SOX5: variants seen among roughly 807,000 people sequenced by gnomAD.
The protein encoded by SOX5 is transcription factor SOX-5.
In SOX5, 9 loss-of-function variants were observed where a neutral mutation model predicts 92.0. The ratio of observed to expected loss-of-function variants is 0.10; its 90% CI spans 0.06 to 0.17. The LOEUF is 0.17. SOX5 is among the 10% of genes least tolerant of loss of function. The pLI is 1.00. For missense variants in SOX5, 642 were observed against 944.5 expected, an observed-to-expected ratio of 0.68 and a Z score of 4.20; for synonymous variants, 344 against 336.3, an observed-to-expected ratio of 1.02 and a Z score of -0.25.
intron 6 of SOX5, among the ~76,000 whole-genome samples, chr12:23,671,334 G>A (rs2084748454): frequency 6.6e-6 from 1 of 152,164 alleles, no homozygotes; most frequent in African/African-American, 2.4e-5. Context: ...GAGTGCTACA[G>A]TGTTCAAATA....
In SOX5 at chr12:24,252,901, T is replaced by A. The variant is rs1409879045; in HGVS notation, c.-77+24315A>T. On this transcript the variant is annotated intron_variant, in intron 3 of 4. Coordinates refer to the SOX5 transcript ENST00000446891. ...ATAAATGTCATTCTGACTGGCATCC[T>A]CTCTTCCAGCAAGTAATTTCCCTCT... 3.3e-5 allele frequency among the ~76,000 whole-genome samples: 5 copies of A among 152,132 alleles called. No individual in the cohort carries two copies. The East Asian group carries it at 9.6e-4, about 29-fold the overall frequency.
At chr12:23,673,473 A>G (rs1226788938) in intron 6 of SOX5, among the ~76,000 whole-genome samples, 1 of 152,176 alleles carries the variant, frequency 6.6e-6, no homozygotes, top group Non-Finnish European at 1.5e-5. Context: ...TATATCATGC[A>G]TTACTACATT....
intron 8 of SOX5, among the ~76,000 whole-genome samples, chr12:23,620,520 T>A (rs562410558): frequency 1.3e-5 from 2 of 152,254 alleles, no homozygotes; most frequent in South Asian, 4.1e-4. Context: ...CTTTCTTGTA[T>A]AATTTATATG....
upstream of SOX5, among the ~76,000 whole-genome samples, chr12:23,953,590 T>TTA (rs983064707): frequency 1.3e-5 from 2 of 152,016 alleles, no homozygotes; most frequent in African/African-American, 4.8e-5. Context: ...ACAATTCTAA[T>TTA]TATATATATG....
chr12:23,934,073 C>T (rs181101195), intron 1 of SOX5, among the ~76,000 whole-genome samples: 13 of 151,514 alleles, frequency 8.6e-5, no homozygotes, highest in Admixed American at 6.6e-4. Flanking sequence ...TTTTTCTTAT[C>T]TGGTCTCTAC....
chr12:23,935,293 TA>T (rs1405749450), intron 1 of SOX5, among the ~76,000 whole-genome samples: 2 of 151,396 alleles, frequency 1.3e-5, no homozygotes, highest in East Asian at 3.9e-4. Context: ...AAGAATATCC[TA>T]TTAATTATAC....
Position 23,949,036 on chromosome 12 carries a change from A to G in SOX5, c.38+528T>C, listed in dbSNP as rs74651942. Reference sequence around the variant, plus strand: ...TGATGTTAAATTTTCTTTGGGGGGAAAAAACGCTCTCTTATATCAACAAAA... The same window carrying G: ...TGATGTTAAATTTTCTTTGGGGGGAGAAAACGCTCTCTTATATCAACAAAA... On this transcript the variant is annotated intron_variant, in intron 1 of 14. Coordinates refer to ENST00000451604, the MANE Select transcript of SOX5 (RefSeq NM_006940.6). Among the ~76,000 whole-genome samples, 10 of 152,080 alleles carry G rather than the reference A, an allele frequency of 6.6e-5. No individual in the cohort carries two copies. In the East Asian group the frequency reaches 1.9e-3, roughly 29 times the overall value.
At chr12:23,797,217 G>T (rs1317501285) in intron 3 of SOX5, among the ~76,000 whole-genome samples, 1 of 151,802 alleles carries the variant, frequency 6.6e-6, no homozygotes, top group African/African-American at 2.4e-5. Context: ...TTCAGACTAG[G>T]TATTGGTACA....
intron 4 of SOX5, among the ~76,000 whole-genome samples, chr12:24,138,646 G>A (rs972635428): frequency 1.3e-4 from 20 of 152,144 alleles, no homozygotes; most frequent in Non-Finnish European, 2.9e-4. Context: ...GAAAATACAC[G>A]TTTTTCATTT....
chr12:23,549,843 C>T (rs138549694), intron 11 of SOX5, among the ~76,000 whole-genome samples: 3,653 of 152,006 alleles, frequency 0.024, 74 homozygotes, highest in Non-Finnish European at 0.041. Context: ...TGTTTAAAAA[C>T]AGACTTGAAA....
At chr12:24,383,692 T>C (rs1426671832) in intron 1 of SOX5, among the ~76,000 whole-genome samples, 1 of 152,158 alleles carries the variant, frequency 6.6e-6, no homozygotes, top group Non-Finnish European at 1.5e-5. Flanking sequence ...GAAACCCTTA[T>C]GGCAGCAGTC....
intron 4 of SOX5, among the ~76,000 whole-genome samples, chr12:24,081,348 T>C (rs1488523410): frequency 6.6e-6 from 1 of 152,068 alleles, no homozygotes; most frequent in Non-Finnish European, 1.5e-5. Flanking sequence ...GAATTAATTT[T>C]GGCAAACTAA....
rs530079525 is a variant in SOX5 at position 23,740,748 on chromosome 12, A to G, written c.741+119T>C. ...TTTTGCTTTTTTGGCCTTTGAATTT[A>G]TTTAACTGGGGAGGTGGAAGGGACT... On this transcript the variant is annotated intron_variant, in intron 5 of 14. Coordinates refer to ENST00000451604, the MANE Select transcript of SOX5 (RefSeq NM_006940.6). 9.1e-6 allele frequency: 8 copies of G among 877,982 alleles called. No homozygotes were observed. The South Asian group carries it at 1.9e-4, about 21-fold the overall frequency. The allele number at this position is 877,982 out of a possible 1,614,324, so 54.4% of individuals were successfully genotyped here.
intron 3 of SOX5, among the ~76,000 whole-genome samples, chr12:23,786,642 A>T (rs2095385049): frequency 9.0e-6 from 1 of 110,526 alleles, no homozygotes; most frequent in Non-Finnish European, 2.1e-5. Flanking sequence ...TTCTAGAAGA[A>T]ATTGTAACAA....
intron 1 of SOX5, among the ~76,000 whole-genome samples, chr12:24,391,571 C>T (rs1350054149): frequency 6.6e-6 from 1 of 152,114 alleles, no homozygotes; most frequent in Non-Finnish European, 1.5e-5. Context: ...ACGTACAGTT[C>T]TTCGGCTATT....
chr12:23,825,489 G>C (rs1205354450), intron 3 of SOX5, among the ~76,000 whole-genome samples: 1 of 152,220 alleles, frequency 6.6e-6, no homozygotes, highest in East Asian at 1.9e-4. Flanking sequence ...TGGTCTGGAT[G>C]GGAGCTGCAG....
intron 6 of SOX5, among the ~76,000 whole-genome samples, chr12:23,672,758 T>G (rs572945061): frequency 1.3e-5 from 2 of 152,186 alleles, no homozygotes; most frequent in Non-Finnish European, 2.9e-5. Flanking sequence ...ATGATGTGTT[T>G]ATTGTTGGCA....
intron 3 of SOX5, among the ~76,000 whole-genome samples, chr12:24,249,445 C>A (rs913523482): frequency 6.6e-6 from 1 of 152,198 alleles, no homozygotes; most frequent in South Asian, 2.1e-4. Context: ...AAAAATCATA[C>A]CTGCTCTAGA....
rs117078306 is a variant in SOX5 at position 23,633,864 on chromosome 12, T to C, written c.1017+6948A>G. The stretch of plus-strand genomic sequence containing the variant: ...AAGTATTGTAACATTTGGTCTTTTA[T>C]TGTGAATTATAATGATTTTAAAAGA... On this transcript the variant is annotated intron_variant, in intron 8 of 14. Coordinates refer to ENST00000451604, the MANE Select transcript of SOX5 (RefSeq NM_006940.6). Among the ~76,000 whole-genome samples the C allele has an allele frequency of 9.7e-3, 1,484 of 152,274 alleles. 32 individuals carry two copies. The highest frequency in any genetic ancestry group is 0.096 in the East Asian group (500 of 5,182).
Sources: gnomAD v4.1 joint callset for allele counts (sites outside exome capture counted in the v4.1 genomes callset) on GRCh38, gnomAD v4.1.1 for gene constraint, MANE v1.5 for transcripts, NCBI Gene and HGNC (gene_info 2026-07-23, HGNC 2026-07-21) for gene names.